The following SPTB variants were observed in gnomAD, a reference collection of about 807,000 sequenced individuals.
SPTB encodes the protein spectrin beta chain, erythrocytic.
Under a neutral mutation model 256.2 loss-of-function variants are expected in SPTB, and 45 were observed. That is an observed-to-expected ratio of 0.18 (90% CI 0.14 to 0.23). The LOEUF (loss-of-function observed/expected upper bound fraction) is 0.23. Among genes scored for constraint, SPTB ranks in the 10% least tolerant of loss-of-function variants. SPTB has a pLI of 1.00. For synonymous variants in SPTB, 1,231 were observed against 1,243.1 expected (o/e 0.99, Z 0.21); for missense variants, 2,715 against 3,040.4 (o/e 0.89, Z 2.52).
intron 1 of SPTB, among the ~76,000 whole-genome samples, chr14:64,860,537 T>G (rs1166069938): frequency 2.6e-5 from 4 of 151,812 alleles, no homozygotes; most frequent in Admixed American, 6.6e-5. Context: ...GCTTCAAAAC[T>G]TACATGTGTG....
Position 64,769,054 on chromosome 14 carries a change from C to T in SPTB, c.6002G>A (p.Arg2001His), listed in dbSNP as rs148593138. 123 of 1,613,338 alleles carry T rather than the reference C, an allele frequency of 7.6e-5. 2 individuals carry two copies. Among genetic ancestry groups the T allele is most frequent in the South Asian group, 4.9e-4 (45 of 91,092 alleles). The change falls in exon 29 of 36, where the codon CGC becomes CAC. Residue 2001 changes from arginine to histidine, a missense_variant. By Grantham distance (29) the Arg-to-His change is conservative. This residue lies in a region of SPTB where 2,239 missense variants were observed against 2,384.4 expected (regional missense o/e 0.94). Coordinates refer to ENST00000644917, the MANE Select transcript of SPTB (RefSeq NM_001355436.2). ...CTCACACATGCGGAGCCGCTCCCAG[C>T]GGGCTTCCCACTTCTCATTCATCTC... The part of the protein sequence containing the change: ...RKEMNEKWEA[R>H]WERLRMLLEV...
intron 9 of SPTB, among the ~76,000 whole-genome samples, chr14:64,799,057 G>T (rs1173810816): frequency 6.6e-6 from 1 of 152,234 alleles, no homozygotes; most frequent in Non-Finnish European, 1.5e-5. Flanking sequence ...AGTTATGTGT[G>T]CACACATAAA....
chr14:64,772,108 T>C lies in SPTB; in HGVS notation c.5553+472A>G, dbSNP rs900558529. On this transcript the variant is annotated intron_variant, in intron 26 of 35. Coordinates refer to ENST00000644917, the MANE Select transcript of SPTB (RefSeq NM_001355436.2). The surrounding 1 kb of genome is among the most constrained non-coding windows in gnomAD (Gnocchi z 5.4). ...CCGGTGGCTAAGTATGTGGGGTCTA[T>C]AGCTAGACTGCCAGGGTCTGAGCCC... Among the ~76,000 whole-genome samples the C allele has an allele frequency of 1.3e-5, 2 of 152,158 alleles. No homozygotes were observed. Among genetic ancestry groups the C allele is most frequent in the Admixed American group, 1.3e-4 (2 of 15,276 alleles).
rs2083376698 is a variant in SPTB, at chr14:64,826,251, C to A, written c.-51-3106G>T. ...AAAGCTACAGATAGTTAACAAAAAG[C>A]AAACACGAAGATATGCCTGTCCAAA... On this transcript the variant is annotated intron_variant, in intron 1 of 35. Coordinates refer to ENST00000644917, the MANE Select transcript of SPTB (RefSeq NM_001355436.2). The surrounding 1 kb of genome is among the most constrained non-coding windows in gnomAD (Gnocchi z 4.4). Among the ~76,000 whole-genome samples, 1 of 152,114 alleles carries A rather than the reference C, an allele frequency of 6.6e-6. No homozygotes were observed. Among genetic ancestry groups the A allele is most frequent in the Admixed American group, 6.5e-5 (1 of 15,276 alleles).
chr14:64,834,324 G>A (rs751827368), intron 1 of SPTB, among the ~76,000 whole-genome samples: 1 of 151,758 alleles, frequency 6.6e-6, no homozygotes, highest in Non-Finnish European at 1.5e-5. Context: ...ACCGTGCCAC[G>A]CTCAACCACA....
At chr14:64,783,796 G>A (rs186797946) in intron 19 of SPTB, among the ~76,000 whole-genome samples, 3 of 152,262 alleles carry the variant, frequency 2.0e-5, no homozygotes, top group African/African-American at 4.8e-5. Context: ...CCCTTGGTTC[G>A]CCATCTATAA....
At chr14:64,801,958 A>G (rs1055877116) in intron 5 of SPTB, 124 bp from the exon 6 acceptor site, 10 of 1,001,252 alleles carry the variant, frequency 1.0e-5, no homozygotes, top group African/African-American at 8.0e-5. Flanking sequence ...CCAGGTCACC[A>G]AGAGGGGGCA....
In SPTB at chr14:64,786,537, A is replaced by G; in HGVS notation, c.3428T>C (p.Leu1143Pro). ...ATTCCAGCCAGTATCCAGGCCCTCC[A>G]GCCGCTGGCCCAGAAGCAGATACTC... is the stretch of plus-strand genomic sequence containing the variant. ...DPEYLLLGQR[L>P]EGLDTGWNAL... The change falls in exon 16 of 36, where the codon CTG becomes CCG. Residue 1143 changes from leucine (L) to proline (P), a missense_variant. Around this residue, in one of 4 missense-constraint regions of SPTB, gnomAD observed 2,239 missense variants for 2,384.4 expected, o/e 0.94. Coordinates refer to ENST00000644917, the MANE Select transcript of SPTB (RefSeq NM_001355436.2). This position sits in a 1 kb window ranked among gnomAD's most constrained non-coding sequence, Gnocchi z 5.6. 1 of 1,614,150 alleles carries G rather than the reference A, an allele frequency of 6.2e-7. No homozygotes were observed. The highest frequency in any genetic ancestry group is 2.2e-5 in the East Asian group (1 of 44,878).
At position 64,878,931 on chromosome 14, in the gene SPTB, A is replaced by G. The variant is rs568773660; in HGVS notation, c.-52+861T>C. 1.6e-4 allele frequency among the ~76,000 whole-genome samples: 24 copies of G among 152,316 alleles called. No homozygotes were observed. The South Asian group carries it at 5.0e-3, about 32-fold the overall frequency. Reference sequence around the variant, plus strand: ...GGCTGTAACTCAAGGCCCTACCTGAAGCTCGTTGTCAGGGAAACAGCACTC... The same window carrying G: ...GGCTGTAACTCAAGGCCCTACCTGAGGCTCGTTGTCAGGGAAACAGCACTC... On this transcript the variant is annotated intron_variant, in intron 1 of 35. Coordinates refer to ENST00000644917, the MANE Select transcript of SPTB (RefSeq NM_001355436.2).
chr14:64,819,280 G>A (rs909184510), intron 2 of SPTB, among the ~76,000 whole-genome samples: 2 of 152,222 alleles, frequency 1.3e-5, no homozygotes, highest in African/African-American at 4.8e-5. Context: ...GGAAGACCTG[G>A]GAGTGGTATG....
At chr14:64,763,623 G>GT (rs2082124023) in intron 32 of SPTB, 2 of 465,578 alleles carry the variant, frequency 4.3e-6, no homozygotes, top group Non-Finnish European at 8.8e-6. Flanking sequence ...GGATTAGGTG[G>GT]TTTTTATCTC....
At position 64,797,838 on chromosome 14, in the gene SPTB, T is replaced by C; in HGVS notation, c.1073A>G (p.Glu358Gly). Residue 358 changes from glutamate to glycine, a missense_variant, in exon 10 of 36, where the codon GAG (glutamate) becomes GGG (glycine). Coordinates refer to ENST00000644917, the MANE Select transcript of SPTB (RefSeq NM_001355436.2). ...RTVEKPPKFQ[E>G]KGNLEVLLFT... ...AAGTAGAACTTCCAGATTCCCCTTCTCTTGAAACCTGTCAAGAAAACAGAA... is the reference window on the plus strand; with the variant it reads ...AAGTAGAACTTCCAGATTCCCCTTCCCTTGAAACCTGTCAAGAAAACAGAA... The C allele has an allele frequency of 6.2e-7, 1 of 1,613,486 alleles. No homozygotes were observed. The highest frequency in any genetic ancestry group is 8.5e-7 in the Non-Finnish European group (1 of 1,179,368).
intron 30 of SPTB, 41 bp downstream of exon 30, chr14:64,767,622 T>G: frequency 1.1e-5 from 17 of 1,610,904 alleles, no homozygotes; most frequent in Non-Finnish European, 1.4e-5. Context: ...GGGGGCACAG[T>G]TGCCACCCTC....
At position 64,823,030 on chromosome 14, in the gene SPTB, C is replaced by A. The variant is rs200116664; in HGVS notation, c.65G>T (p.Arg22Leu). Reference sequence around the variant, plus strand: ...CAGCTCGTCGTCTGGGGCGTCCCAGCGGGCATTGATCCTGCTGTAAGGTGG... The same window carrying A: ...CAGCTCGTCGTCTGGGGCGTCCCAGAGGGCATTGATCCTGCTGTAAGGTGG... ...NQPPYSRINA[R>L]WDAPDDELDN... Residue 22 changes from arginine (R) to leucine (L), a missense_variant, in exon 2 of 36, where the codon CGC becomes CTC. Arg to Leu is a moderately radical substitution (Grantham distance 102). This residue lies in a region of SPTB where 58 missense variants were observed against 67.9 expected (regional missense o/e 0.85). Transcript: ENST00000644917. This position sits in a 1 kb window ranked among gnomAD's most constrained non-coding sequence, Gnocchi z 6.5. 3.1e-6 allele frequency: 5 copies of A among 1,614,146 alleles called. No individual in the cohort carries two copies. Among genetic ancestry groups the A allele is most frequent in the Admixed American group, 1.7e-5 (1 of 60,034 alleles).
intron 32 of SPTB, among the ~76,000 whole-genome samples, chr14:64,765,906 TGG>T (rs1029371501): frequency 1.4e-5 from 2 of 147,126 alleles, no homozygotes; most frequent in African/African-American, 2.6e-5. Context: ...TGTGTGTGTG[TGG>T]GGGTGTGGTG....
At chr14:64,871,374 G>A (rs1158127711) in intron 1 of SPTB, among the ~76,000 whole-genome samples, 3 of 152,210 alleles carry the variant, frequency 2.0e-5, no homozygotes, top group African/African-American at 7.2e-5. Context: ...TAGAAAAAAA[G>A]AGACTGGTGC....
chr14:64,870,483 A>C (rs539780392), intron 1 of SPTB, among the ~76,000 whole-genome samples: 83 of 152,340 alleles, frequency 5.4e-4, no homozygotes, highest in Admixed American at 2.6e-3. Context: ...CTTGGGCTAC[A>C]TGCTCTACAA....
chr14:64,835,527 T>A (rs1295186701), intron 1 of SPTB, among the ~76,000 whole-genome samples: 1 of 152,060 alleles, frequency 6.6e-6, no homozygotes, highest in Non-Finnish European at 1.5e-5. Context: ...AATACAGGAG[T>A]GAGCCACCTC....
At chr14:64,768,012 T>G in intron 29 of SPTB, 153 bp from the exon 30 acceptor site, 4 of 784,800 alleles carry the variant, frequency 5.1e-6, no homozygotes, top group Non-Finnish European at 6.4e-6. Flanking sequence ...AGCCACCCCA[T>G]TCCACACTGG....
Sources: gnomAD v4.1 joint callset for allele counts (sites outside exome capture counted in the v4.1 genomes callset) on GRCh38, gnomAD v4.1.1 for gene constraint, gnomAD v4.1.1 regional missense constraint, Gnocchi (gnomAD v3.1) non-coding constraint, MANE v1.5 for transcripts, NCBI Gene and HGNC (gene_info 2026-07-23, HGNC 2026-07-21) for gene names.